The following CSMD3 variants were observed in gnomAD, a reference collection of about 807,000 sequenced individuals.
The protein encoded by CSMD3 is CUB and Sushi multiple domains 3, also known as CUB and sushi domain-containing protein 3.
In CSMD3, 177 loss-of-function variants were observed where a neutral mutation model predicts 435.2. That is an observed-to-expected ratio of 0.41 (90% confidence interval 0.36 to 0.46). The LOEUF (loss-of-function observed/expected upper bound fraction) is 0.46. CSMD3 is among the 20% of genes least tolerant of loss of function. The pLI, the probability that CSMD3 is intolerant of heterozygous loss-of-function variation, is 0.34. For synonymous variants in CSMD3, 1,656 were observed against 1,520.5 expected (o/e 1.09, Z -2.07); for missense variants, 4,265 against 4,504.6 (o/e 0.95, Z 1.52).
chr8:113,436,189 C>A (rs1429239172), intron 1 of CSMD3, among the ~76,000 whole-genome samples: 1 of 152,146 alleles, frequency 6.6e-6, no homozygotes. Flanking sequence ...TGTGGCAGTG[C>A]TTGGAAGATC....
chr8:113,233,155 C>T (rs2093108225), intron 3 of CSMD3, among the ~76,000 whole-genome samples: 1 of 151,540 alleles, frequency 6.6e-6, no homozygotes, highest in Non-Finnish European at 1.5e-5. Flanking sequence ...TTAATCAATG[C>T]TAAGGTTTGA....
chr8:113,059,037 T>C (rs1564265350), intron 5 of CSMD3, among the ~76,000 whole-genome samples: 1 of 152,098 alleles, frequency 6.6e-6, no homozygotes, highest in Non-Finnish European at 1.5e-5. Flanking sequence ...ATTCAATAAA[T>C]TACATAAAGT....
chr8:113,240,981 G>T (rs944075864), intron 3 of CSMD3, among the ~76,000 whole-genome samples: 3 of 152,056 alleles, frequency 2.0e-5, no homozygotes, highest in African/African-American at 7.2e-5. Flanking sequence ...TATAATAAGG[G>T]ATTATTACGG....
intron 3 of CSMD3, among the ~76,000 whole-genome samples, chr8:113,273,465 T>C (rs2093546045): frequency 6.6e-6 from 1 of 152,126 alleles, no homozygotes; most frequent in Non-Finnish European, 1.5e-5. Context: ...CAGGCCACAC[T>C]AAGCAGCATG....
chr8:113,010,898 G>A (rs1425758213), intron 6 of CSMD3, among the ~76,000 whole-genome samples: 1 of 151,442 alleles, frequency 6.6e-6, no homozygotes, highest in East Asian at 1.9e-4. Flanking sequence ...TTGTATAAGG[G>A]ATTCTCTAAT....
intron 13 of CSMD3, among the ~76,000 whole-genome samples, chr8:112,710,126 G>A (rs1284389888): frequency 6.6e-6 from 1 of 152,046 alleles, no homozygotes; most frequent in African/African-American, 2.4e-5. Flanking sequence ...ACTACCTCCT[G>A]CCATAAAGAT....
intron 27 of CSMD3, among the ~76,000 whole-genome samples, chr8:112,522,658 CAGG>C (rs1247936652): frequency 1.3e-5 from 2 of 151,832 alleles, no homozygotes; most frequent in Admixed American, 1.3e-4. Context: ...ATTTTGAAGC[CAGG>C]AGATGTTTAT....
intron 4 of CSMD3, among the ~76,000 whole-genome samples, chr8:113,146,308 A>G (rs1216771428): frequency 6.6e-6 from 1 of 151,456 alleles, no homozygotes; most frequent in East Asian, 2.0e-4. Context: ...ACACTTTAAT[A>G]TGAGATCCTG....
At chr8:112,564,154 C>G (rs201617157) in intron 24 of CSMD3, among the ~76,000 whole-genome samples, 1 of 140,940 alleles carries the variant, frequency 7.1e-6, no homozygotes, top group African/African-American at 2.7e-5. Context: ...TTTTTTTTTT[C>G]TTATTGACTT....
intron 39 of CSMD3, among the ~76,000 whole-genome samples, chr8:112,351,569 T>C (rs971073003): frequency 3.9e-5 from 6 of 152,002 alleles, no homozygotes; most frequent in African/African-American, 1.4e-4. Context: ...GCAGTATACA[T>C]GGTGGTTTAT....
chr8:113,350,098 G>C (rs1319330711), intron 1 of CSMD3, among the ~76,000 whole-genome samples: 1 of 151,886 alleles, frequency 6.6e-6, no homozygotes, highest in African/African-American at 2.4e-5. Context: ...AAAAGGTCCA[G>C]GTCATTTGAG....
At chr8:112,689,420 A>C (rs1475955540) in intron 14 of CSMD3, among the ~76,000 whole-genome samples, 1 of 152,002 alleles carries the variant, frequency 6.6e-6, no homozygotes, top group Non-Finnish European at 1.5e-5. Flanking sequence ...AAAAAATGGC[A>C]CCTCATGCAT....
intron 10 of CSMD3, among the ~76,000 whole-genome samples, chr8:112,893,056 A>G (rs1435482854): frequency 6.6e-6 from 1 of 151,066 alleles, no homozygotes; most frequent in Non-Finnish European, 1.5e-5. Context: ...TGCTGCTGCT[A>G]CTACTACTAC....
intron 13 of CSMD3, among the ~76,000 whole-genome samples, chr8:112,728,868 T>C (rs1042889029): frequency 2.6e-5 from 4 of 152,078 alleles, no homozygotes; most frequent in Non-Finnish European, 4.4e-5. Flanking sequence ...AAATTATTAT[T>C]CATTTTTAAA....
chr8:112,263,552 G>A, intron 61 of CSMD3, 87 bp downstream of exon 61: 1 of 996,846 alleles, frequency 1.0e-6, no homozygotes, highest in Admixed American at 2.0e-5. Flanking sequence ...CCCTAATTAG[G>A]CATTGAAGGA....
At chr8:113,171,355 A>G (rs774798129) in intron 4 of CSMD3, among the ~76,000 whole-genome samples, 4 of 152,124 alleles carry the variant, frequency 2.6e-5, no homozygotes, top group Non-Finnish European at 5.9e-5. Flanking sequence ...AGTATTCAGA[A>G]TAAGGCCTTT....
chr8:113,176,051 T>A (rs1029723973), intron 3 of CSMD3, among the ~76,000 whole-genome samples: 1 of 152,106 alleles, frequency 6.6e-6, no homozygotes, highest in Non-Finnish European at 1.5e-5. Context: ...GGTGAAGTAG[T>A]GAATGAATAG....
intron 32 of CSMD3, among the ~76,000 whole-genome samples, chr8:112,422,167 A>C (rs998746998): frequency 1.3e-5 from 2 of 152,140 alleles, no homozygotes; most frequent in African/African-American, 2.4e-5. Flanking sequence ...ACACATGATA[A>C]AGAAGCAGAA....
intron 11 of CSMD3, among the ~76,000 whole-genome samples, chr8:112,845,823 A>C (rs2132551688): frequency 6.6e-6 from 1 of 152,176 alleles, no homozygotes; most frequent in South Asian, 2.1e-4. Context: ...AATTAAATAT[A>C]ATGAAGTCAT....
Sources: gnomAD v4.1 joint callset for allele counts (sites outside exome capture counted in the v4.1 genomes callset) on GRCh38, gnomAD v4.1.1 for gene constraint, MANE v1.5 for transcripts, NCBI Gene and HGNC (gene_info 2026-07-23, HGNC 2026-07-21) for gene names.